Variants in PLCG2 observed in about 807,000 individuals in gnomAD.
PLCG2 encodes 1-phosphatidylinositol 4,5-bisphosphate phosphodiesterase gamma-2.
A neutral mutation model predicts 175.6 loss-of-function variants in PLCG2; 69 were observed. The observed-to-expected ratio is 0.39, with a 90% CI of 0.32 to 0.48. PLCG2 has a LOEUF of 0.48. PLCG2 is among the 20% of genes least tolerant of loss of function. The probability of loss-of-function intolerance (pLI) is 0.91; values close to 1 mark genes in which losing one functional copy is unlikely to be tolerated. For missense variants in PLCG2, 1,798 were observed against 1,650.9 expected (o/e 1.09, Z -1.54); for synonymous variants, 827 against 624.0 (o/e 1.33, Z -4.85).
chr16:81,941,215 G>C (rs1301448410), intron 30 of PLCG2, among the ~76,000 whole-genome samples: 1 of 152,168 alleles, frequency 6.6e-6, no homozygotes, highest in Non-Finnish European at 1.5e-5. Flanking sequence ...CAGTTTCTGA[G>C]CAGCAGGCAT....
At chr16:81,770,630 G>GT (rs1352118381) in intron 2 of PLCG2, among the ~76,000 whole-genome samples, 1 of 152,164 alleles carries the variant, frequency 6.6e-6, no homozygotes, top group African/African-American at 2.4e-5. Flanking sequence ...TGGGAGGATT[G>GT]TATGAGCCCG....
chr16:81,762,660 G>C (rs910997269), intron 2 of PLCG2, among the ~76,000 whole-genome samples: 1 of 152,176 alleles, frequency 6.6e-6, no homozygotes, highest in Non-Finnish European at 1.5e-5. Context: ...AGGTTGAGGG[G>C]AGAGTGAAAA....
In PLCG2 at chr16:81,893,810, TTGG is replaced by T; in HGVS notation, c.1072+20_1072+22del. 6.5e-7 allele frequency: 1 copy of T among 1,548,734 alleles called. No individual in the cohort carries two copies. The highest frequency in any genetic ancestry group is 8.9e-7 in the Non-Finnish European group (1 of 1,122,756). On this transcript the variant is annotated intron_variant, in intron 12 of 32. Coordinates refer to ENST00000564138, the MANE Select transcript of PLCG2 (RefSeq NM_002661.5). ...TGCATTGAACGTGAGTAGCTCCTTC[TTGG>T]TGGAGGTCAGGCTCGCAGCAAATTG...
chr16:81,883,519 A>G, intron 9 of PLCG2, 178 bp downstream of exon 9: 2 of 610,030 alleles, frequency 3.3e-6, no homozygotes, highest in South Asian at 3.8e-5. Flanking sequence ...GAGACTTCAG[A>G]TTGCTGTCTG....
chr16:81,752,851 G>C (rs1387445412), intron 1 of PLCG2, among the ~76,000 whole-genome samples: 2 of 152,254 alleles, frequency 1.3e-5, no homozygotes, highest in Non-Finnish European at 2.9e-5. Flanking sequence ...CCAGCAGGGA[G>C]AGGACAGCTA....
rs1394140728 is a variant in PLCG2 at position 81,910,572 on chromosome 16, A to G, written c.1786A>G (p.Thr596Ala). 6.2e-7 allele frequency: 1 copy of G among 1,614,084 alleles called. No individual in the cohort carries two copies. The highest frequency in any genetic ancestry group is 8.5e-7 in the Non-Finnish European group (1 of 1,179,992). Reference protein sequence around the residue: ...CRIRSTMEGGTLKYYLTDNLT... With the variant: ...CRIRSTMEGGALKYYLTDNLT... ...GATCCGCTCCACCATGGAGGGCGGG[A>G]CCCTGAAATACTACTTGACTGACAA... Residue 596 changes from threonine to alanine, a missense_variant, in exon 18 of 33, where the codon ACC becomes GCC. Physicochemically the swap from Thr to Ala is moderately conservative, Grantham distance 58 (BLOSUM62 0). Coordinates refer to ENST00000564138, the MANE Select transcript of PLCG2 (RefSeq NM_002661.5).
chr16:81,806,870 A>G (rs1871265157), intron 2 of PLCG2, among the ~76,000 whole-genome samples: 1 of 151,848 alleles, frequency 6.6e-6, no homozygotes, highest in Non-Finnish European at 1.5e-5. Flanking sequence ...CCAGCCAAGC[A>G]GGGTGATGGG....
intron 7 of PLCG2, among the ~76,000 whole-genome samples, chr16:81,877,574 C>T (rs1052075652): frequency 6.6e-6 from 1 of 152,242 alleles, no homozygotes; most frequent in Admixed American, 6.5e-5. Flanking sequence ...AGGATGTGTT[C>T]CAGACATCTT....
At chr16:81,803,831 A>G (rs571310937) in intron 2 of PLCG2, among the ~76,000 whole-genome samples, 16 of 151,944 alleles carry the variant, frequency 1.1e-4, no homozygotes, top group Admixed American at 7.9e-4. Flanking sequence ...ACAGGCGTGT[A>G]CCACCACACC....
At chr16:81,798,792 G>C (rs1911588251) in intron 2 of PLCG2, 1 of 152,310 alleles carries the variant, frequency 6.6e-6, no homozygotes, top group Admixed American at 6.5e-5. Flanking sequence ...AGACCCCGCA[G>C]AGCTCAGAAG....
chr16:81,928,686 C>T, intron 24 of PLCG2, 62 bp downstream of exon 24: 2 of 1,107,722 alleles, frequency 1.8e-6, no homozygotes, highest in Non-Finnish European at 1.4e-6. Flanking sequence ...CTGACCTCAG[C>T]CCCGCCCTAC....
intron 2 of PLCG2, among the ~76,000 whole-genome samples, chr16:81,797,749 G>T (rs899900345): frequency 6.6e-6 from 1 of 152,182 alleles, no homozygotes; most frequent in Admixed American, 6.5e-5. Flanking sequence ...ATACACCGTG[G>T]TTCCACTCGT....
At chr16:81,872,633 G>C (rs1309730018) in intron 7 of PLCG2, among the ~76,000 whole-genome samples, 1 of 152,248 alleles carries the variant, frequency 6.6e-6, no homozygotes, top group African/African-American at 2.4e-5. Flanking sequence ...CATTCAATAA[G>C]TAGGGGCTGC....
chr16:81,851,793 G>T (rs918179191), intron 2 of PLCG2, among the ~76,000 whole-genome samples: 2 of 151,228 alleles, frequency 1.3e-5, no homozygotes, highest in Non-Finnish European at 3.0e-5. Flanking sequence ...GATTACAGGC[G>T]TGGGCCACCA....
intron 5 of PLCG2, among the ~76,000 whole-genome samples, chr16:81,867,262 A>G (rs1200600808): frequency 6.6e-6 from 1 of 152,188 alleles, no homozygotes; most frequent in Non-Finnish European, 1.5e-5. Flanking sequence ...TTTCTCCTGC[A>G]AGGTGGGGCG....
intron 8 of PLCG2, 48 bp from the exon 9 acceptor site, chr16:81,883,221 C>T (rs147313494): frequency 1.9e-6 from 3 of 1,551,670 alleles, no homozygotes; most frequent in Admixed American, 3.3e-5. Flanking sequence ...CTCGACTCCT[C>T]TGTTGAATGT....
At chr16:81,818,283 A>G (rs866427024) in intron 2 of PLCG2, among the ~76,000 whole-genome samples, 2 of 152,092 alleles carry the variant, frequency 1.3e-5, no homozygotes, top group Admixed American at 1.3e-4. Flanking sequence ...AGGACATCCC[A>G]TTAGTCTCTC....
At chr16:81,931,080 A>G (rs1330124733) in intron 24 of PLCG2, among the ~76,000 whole-genome samples, 1 of 152,036 alleles carries the variant, frequency 6.6e-6, no homozygotes, top group Non-Finnish European at 1.5e-5. Flanking sequence ...TATTTTTTTC[A>G]GGTTCTCTCA....
chr16:81,940,010 T>A lies in PLCG2; in HGVS notation c.3432T>A (p.Asp1144Glu). Residue 1144 changes from aspartate (D) to glutamate (E), a missense_variant, in exon 30 of 33, where the codon GAT (aspartate) becomes GAA (glutamate). Coordinates refer to ENST00000564138, the MANE Select transcript of PLCG2 (RefSeq NM_002661.5). ...TTTATGAAGAAGATATGTTCAGCGA[T>A]CCCAACTTTCTTGCTCATGCCACTT... ...FVVYEEDMFSDPNFLAHATYP... is the reference protein window; with the variant it reads ...FVVYEEDMFSEPNFLAHATYP... 6.2e-7 allele frequency: 1 copy of A among 1,614,102 alleles called. No individual in the cohort carries two copies. The highest frequency in any genetic ancestry group is 8.5e-7 in the Non-Finnish European group (1 of 1,179,926).
Sources: allele counts gnomAD v4.1 joint callset (sites outside exome capture counted in the v4.1 genomes callset), GRCh38; gene constraint gnomAD v4.1.1; transcripts MANE v1.5; gene names NCBI Gene and HGNC (gene_info 2026-07-23, HGNC 2026-07-21).